Variants in NRXN3 observed in about 807,000 individuals in gnomAD.
NRXN3 encodes the protein neurexin 3, also known as neurexin III.
In NRXN3, 32 loss-of-function variants were observed where a neutral mutation model predicts 137.6. The ratio of observed to expected loss-of-function variants is 0.23; its 90% confidence interval spans 0.18 to 0.31. NRXN3 has a LOEUF of 0.31. Among genes scored for constraint, NRXN3 ranks in the 10% least tolerant of loss-of-function variants. NRXN3 has a pLI of 1.00. For missense variants in NRXN3, 1,574 were observed against 2,062.5 expected, an observed-to-expected ratio of 0.76 and a Z score of 4.59; for synonymous variants, 798 against 784.5, an observed-to-expected ratio of 1.02 and a Z score of -0.29.
intron 20 of NRXN3, among the ~76,000 whole-genome samples, chr14:79,821,780 G>A (rs1459717359): frequency 6.7e-6 from 1 of 148,786 alleles, no homozygotes; most frequent in African/African-American, 2.5e-5. Flanking sequence ...TTTTGGTTTA[G>A]GTGACAAAAC....
chr14:79,452,103 G>A (rs1210932544), intron 15 of NRXN3, among the ~76,000 whole-genome samples: 1 of 151,788 alleles, frequency 6.6e-6, no homozygotes, highest in Non-Finnish European at 1.5e-5. Context: ...TTAGTAGACG[G>A]ACAAGTATCC....
chr14:79,321,396 C>T (rs1011954930), intron 15 of NRXN3, among the ~76,000 whole-genome samples: 3 of 152,100 alleles, frequency 2.0e-5, no homozygotes, highest in Non-Finnish European at 2.9e-5. Flanking sequence ...ACCATTTCCC[C>T]TACTGGATGT....
At chr14:79,280,387 T>G in intron 15 of NRXN3, 1 of 1,614,098 alleles carries the variant, frequency 6.2e-7, no homozygotes, top group Non-Finnish European at 8.5e-7. Flanking sequence ...TCGTCAGCTC[T>G]GTATGGAGTT....
At chr14:78,884,968 T>A (rs1185512137) in intron 10 of NRXN3, among the ~76,000 whole-genome samples, 1 of 152,078 alleles carries the variant, frequency 6.6e-6, no homozygotes, top group Non-Finnish European at 1.5e-5. Flanking sequence ...CAGTATATAT[T>A]GTCTGCTATT....
At chr14:79,727,340 A>G (rs1048033258) in intron 19 of NRXN3, among the ~76,000 whole-genome samples, 2 of 152,204 alleles carry the variant, frequency 1.3e-5, no homozygotes, top group African/African-American at 2.4e-5. Context: ...CGATAGGTAT[A>G]GAATTCTTCC....
chr14:79,777,297 A>G (rs1381589700), intron 19 of NRXN3, among the ~76,000 whole-genome samples: 2 of 152,210 alleles, frequency 1.3e-5, no homozygotes, highest in Non-Finnish European at 2.9e-5. Flanking sequence ...TGCAACATCT[A>G]TAGATTCGGT....
chr14:79,506,254 C>T (rs2096877312), intron 16 of NRXN3, among the ~76,000 whole-genome samples: 1 of 152,178 alleles, frequency 6.6e-6, no homozygotes, highest in Non-Finnish European at 1.5e-5. Context: ...TCACTGGAGC[C>T]TGTCCACCAC....
At chr14:78,990,441 G>A (rs1346205461) in intron 15 of NRXN3, among the ~76,000 whole-genome samples, 2 of 135,128 alleles carry the variant, frequency 1.5e-5, no homozygotes, top group South Asian at 2.3e-4. Context: ...GCACAATCTC[G>A]GCTCACTGCA....
intron 16 of NRXN3, among the ~76,000 whole-genome samples, chr14:79,468,051 G>A (rs1022247142): frequency 2.6e-5 from 4 of 152,212 alleles, no homozygotes; most frequent in Non-Finnish European, 5.9e-5. Flanking sequence ...GAGTGCCAGA[G>A]TGGGCGGGGC....
rs1015077774 is a variant in NRXN3, at chr14:78,326,814, G to A, written c.757+28954G>A. ...TAAAGATGATTACTGCCCTTTCTTT[G>A]TTCTAGTGGAGGAGACATGCAGTGT... On this transcript the variant is annotated intron_variant, in intron 4 of 20. Coordinates refer to ENST00000335750, the MANE Select transcript of NRXN3 (RefSeq NM_001330195.2). Among the ~76,000 whole-genome samples, 4 of 151,664 alleles carry A rather than the reference G, an allele frequency of 2.6e-5. 1 individual carries two copies. The South Asian group carries it at 6.2e-4, about 24-fold the overall frequency.
chr14:78,255,432 T>C (rs2069401196), intron 2 of NRXN3, among the ~76,000 whole-genome samples: 1 of 152,242 alleles, frequency 6.6e-6, no homozygotes, highest in Non-Finnish European at 1.5e-5. Flanking sequence ...GTGGAAACTT[T>C]GCTATTTGCT....
intron 15 of NRXN3, among the ~76,000 whole-genome samples, chr14:79,408,742 A>G (rs534036405): frequency 6.6e-6 from 1 of 152,020 alleles, no homozygotes; most frequent in Non-Finnish European, 1.5e-5. Context: ...CTAAGAGCAC[A>G]TATTTCCAGG....
At chr14:79,669,073 A>C (rs1223792729) in intron 17 of NRXN3, 1 of 151,860 alleles carries the variant, frequency 6.6e-6, no homozygotes, top group Admixed American at 6.6e-5. Flanking sequence ...CCTTTTCTTT[A>C]TGTCTTTTCC....
At position 79,300,426 on chromosome 14, in the gene NRXN3, G is replaced by T. The variant is rs1033168529; in HGVS notation, c.3263-166795G>T. On this transcript the variant is annotated intron_variant, in intron 15 of 20. Transcript: ENST00000335750. ...CTTGACTCAGCTGGGTAGCTTGGAT[G>T]ATCTCACATGAGGTCCCTCATATAG... Among the ~76,000 whole-genome samples, 9 of 152,184 alleles carry T rather than the reference G, an allele frequency of 5.9e-5. 1 individual carries two copies. Among genetic ancestry groups the T allele is most frequent in the African/African-American group, 1.7e-4 (7 of 41,556 alleles).
intron 20 of NRXN3, among the ~76,000 whole-genome samples, chr14:79,835,475 T>C (rs554645591): frequency 1.1e-4 from 17 of 152,318 alleles, no homozygotes; most frequent in Admixed American, 2.6e-4. Context: ...TAAATAGTTA[T>C]TTCTTTAACT....
At chr14:79,390,210 G>A (rs994719538) in intron 15 of NRXN3, among the ~76,000 whole-genome samples, 1 of 151,694 alleles carries the variant, frequency 6.6e-6, no homozygotes, top group African/African-American at 2.4e-5. Flanking sequence ...CCAGCTACTC[G>A]GGAGGCTGAG....
At chr14:78,847,787 G>A (rs1364772646) in intron 10 of NRXN3, among the ~76,000 whole-genome samples, 2 of 152,090 alleles carry the variant, frequency 1.3e-5, no homozygotes, top group Non-Finnish European at 2.9e-5. Flanking sequence ...TGGTGAGAGT[G>A]CAACTACGTT....
rs1373441225 is a variant in NRXN3 at position 79,620,848 on chromosome 14, T to C, written c.3445-42930T>C. Among the ~76,000 whole-genome samples the C allele has an allele frequency of 5.3e-5, 8 of 152,054 alleles. No individual in the cohort carries two copies. The East Asian group carries it at 1.5e-3, about 29-fold the overall frequency. ...GAGGAAATACTTGAAGTCTGGAGAA[T>C]GGATGAGACCTGAAGGGAATAAGAT... On this transcript the variant is annotated intron_variant, in intron 16 of 20. Coordinates refer to ENST00000335750, the MANE Select transcript of NRXN3 (RefSeq NM_001330195.2).
chr14:78,639,138 C>T (rs2097592260), intron 4 of NRXN3, among the ~76,000 whole-genome samples: 1 of 152,192 alleles, frequency 6.6e-6, no homozygotes, highest in South Asian at 2.1e-4. Context: ...GACCACAGGC[C>T]ATCTCTTTGC....
Sources: gnomAD v4.1 joint callset for allele counts (sites outside exome capture counted in the v4.1 genomes callset) on GRCh38, gnomAD v4.1.1 for gene constraint, MANE v1.5 for transcripts, NCBI Gene and HGNC (gene_info 2026-07-23, HGNC 2026-07-21) for gene names.